The following SMIM7 variants were observed in gnomAD, a reference collection of about 807,000 sequenced individuals.
The protein encoded by SMIM7 is UPF0608 protein C19orf42.
SMIM7 carries 12 observed loss-of-function variants against 13.3 expected under a neutral mutation model. The observed-to-expected ratio is 0.90, with a 90% CI of 0.58 to 1.46. The LOEUF (loss-of-function observed/expected upper bound fraction) is 1.46. Among genes scored for constraint, SMIM7 ranks in the 40% most tolerant of loss-of-function variants. The pLI is 0.00. For missense variants in SMIM7, 114 were observed against 94.8 expected, an observed-to-expected ratio of 1.20 and a Z score of -0.84; for synonymous variants, 36 against 35.8, an observed-to-expected ratio of 1.01 and a Z score of -0.02.
intron 4 of SMIM7, chr19:16,653,768 A>G: frequency 4.4e-6 from 2 of 454,050 alleles, no homozygotes. Context: ...GGTGGCACGC[A>G]CCTGTAGTCC....
At chr19:16,647,628 G>C (rs1034074075) in intron 4 of SMIM7, among the ~76,000 whole-genome samples, 10 of 151,130 alleles carry the variant, frequency 6.6e-5, no homozygotes, top group South Asian at 2.1e-4. Flanking sequence ...ATTAATTTTT[G>C]TATTTTTAGT....
At chr19:16,657,565 C>A (rs2086612349) in intron 3 of SMIM7, among the ~76,000 whole-genome samples, 1 of 152,144 alleles carries the variant, frequency 6.6e-6, no homozygotes, top group Non-Finnish European at 1.5e-5. Flanking sequence ...CCCTATGTGG[C>A]CACAAAAAAG....
At chr19:16,638,968 C>G (rs2086381827) in intron 4 of SMIM7, 1 of 152,228 alleles carries the variant, frequency 6.6e-6, no homozygotes, top group Non-Finnish European at 1.5e-5. Flanking sequence ...ACAATGTACT[C>G]TAATTAGATG....
At chr19:16,644,925 G>C (rs1253840863), downstream of SMIM7, 2 of 152,216 alleles carry the variant, frequency 1.3e-5, no homozygotes, top group African/African-American at 4.8e-5. Context: ...GCCGATTTTA[G>C]AGATGTGGAA....
chr19:16,652,564 T>C (rs2122534316), intron 4 of SMIM7: 1 of 1,134,022 alleles, frequency 8.8e-7, no homozygotes, highest in Non-Finnish European at 1.1e-6. Flanking sequence ...CCTAGGCAAG[T>C]CTCATACATG....
At chr19:16,650,199 T>C (rs2086505167) in intron 4 of SMIM7, among the ~76,000 whole-genome samples, 1 of 152,210 alleles carries the variant, frequency 6.6e-6, no homozygotes, top group Admixed American at 6.5e-5. Context: ...AGAAGAGTTG[T>C]GTTGAAACAC....
intron 4 of SMIM7, among the ~76,000 whole-genome samples, chr19:16,638,301 CTTTTTTT>C (rs375558591): frequency 0.059 from 7,208 of 122,754 alleles, 222 homozygotes; most frequent in South Asian, 0.11. Context: ...TTTCTTTTTT[CTTTTTTT>C]TTTTTTTTTT....
chr19:16,659,211 A>C, intron 3 of SMIM7, 184 bp downstream of exon 3: 1 of 664,826 alleles, frequency 1.5e-6, no homozygotes, highest in South Asian at 1.6e-5. Flanking sequence ...TTAGCTCAGG[A>C]GGTCGAGTCT....
intron 2 of SMIM7, 23 bp downstream of exon 2, chr19:16,659,936 C>T (rs1225813991): frequency 6.2e-7 from 1 of 1,604,004 alleles, no homozygotes; most frequent in African/African-American, 1.3e-5. Flanking sequence ...GATGGAGCCG[C>T]AGTCCGGCCG....
chr19:16,640,179 A>C (rs2086395013), intron 4 of SMIM7: 1 of 152,168 alleles, frequency 6.6e-6, no homozygotes, highest in South Asian at 2.1e-4. Context: ...CCCAGGTTCA[A>C]GCGATTCTCC....
exon 5 of SMIM7, chr19:16,631,410 T>C (rs2086320635): frequency 6.6e-6 from 1 of 150,982 alleles, no homozygotes; most frequent in Admixed American, 6.6e-5. Context: ...ATAAAATAAA[T>C]AGAAAAAAGG....
chr19:16,658,765 G>A (rs147086580), intron 3 of SMIM7, among the ~76,000 whole-genome samples: 25 of 152,190 alleles, frequency 1.6e-4, no homozygotes, highest in African/African-American at 4.6e-4. Context: ...GGACGGGTAC[G>A]GCAAGAACAA....
intron 4 of SMIM7, among the ~76,000 whole-genome samples, chr19:16,648,146 CTTT>C (rs887873199): frequency 1.4e-5 from 2 of 147,348 alleles, no homozygotes; most frequent in East Asian, 2.0e-4. Flanking sequence ...CAGTTAAAAA[CTTT>C]TTTTTTTTTG....
intron 4 of SMIM7, among the ~76,000 whole-genome samples, chr19:16,648,731 GCA>G (rs575152646): frequency 4.4e-4 from 67 of 152,292 alleles, no homozygotes; most frequent in African/African-American, 1.5e-3. Context: ...AACTGGCTGT[GCA>G]CAGTGGCTCA....
chr19:16,649,952 T>C (rs1329647332), intron 4 of SMIM7, among the ~76,000 whole-genome samples: 1 of 151,960 alleles, frequency 6.6e-6, no homozygotes, highest in African/African-American at 2.4e-5. Flanking sequence ...CGACGAGTGG[T>C]TGCCAGGGAC....
At chr19:16,632,338 C>T (rs893505738) in intron 4 of SMIM7, among the ~76,000 whole-genome samples, 1 of 151,950 alleles carries the variant, frequency 6.6e-6, no homozygotes, top group African/African-American at 2.4e-5. Flanking sequence ...CTTGACATGT[C>T]AAAGATAGGT....
chr19:16,652,742 A>G, intron 4 of SMIM7: 1 of 1,456,694 alleles, frequency 6.9e-7, no homozygotes, highest in South Asian at 1.5e-5. Flanking sequence ...CAGCAACCCC[A>G]CATTCGGAGT....
intron 3 of SMIM7, among the ~76,000 whole-genome samples, chr19:16,656,202 A>G (rs1367594962): frequency 5.9e-5 from 9 of 152,224 alleles, no homozygotes; most frequent in Non-Finnish European, 1.0e-4. Flanking sequence ...CCTGGCTAAC[A>G]TCGTGAAACC....
intron 3 of SMIM7, 119 bp downstream of exon 3, chr19:16,659,275 CT>C: frequency 1.1e-6 from 1 of 892,180 alleles, no homozygotes; most frequent in Non-Finnish European, 1.7e-6. Flanking sequence ...AGAGCAAGAC[CT>C]TGTGTCAAAA....
Sources: gnomAD v4.1 joint callset for allele counts (sites outside exome capture counted in the v4.1 genomes callset) on GRCh38, gnomAD v4.1.1 for gene constraint, MANE v1.5 for transcripts, NCBI Gene and HGNC (gene_info 2026-07-23, HGNC 2026-07-21) for gene names.